The following UCHL5 variants were observed in gnomAD, a reference collection of about 807,000 sequenced individuals.
The protein encoded by UCHL5 is ubiquitin C-terminal hydrolase L5.
Under a neutral mutation model 53.8 loss-of-function variants are expected in UCHL5, and 34 were observed. The ratio of observed to expected loss-of-function variants is 0.63; its 90% CI spans 0.48 to 0.84. The LOEUF is 0.84. Among genes scored for constraint, UCHL5 ranks in the 40% least tolerant of loss-of-function variants. The pLI, the probability that UCHL5 is intolerant of heterozygous loss-of-function variation, is 0.00. For synonymous variants in UCHL5, 111 were observed against 126.3 expected (o/e 0.88, Z 0.81); for missense variants, 290 against 385.6 (o/e 0.75, Z 2.08).
chr1:193,029,783 A>C (rs1660691467), intron 3 of UCHL5, 126 bp from the exon 4 acceptor site: 1 of 762,278 alleles, frequency 1.3e-6, no homozygotes, highest in African/African-American at 1.8e-5. Context: ...CAGCATAAAC[A>C]GAATAAATAT....
At chr1:193,050,312 T>C (rs1011205345) in intron 2 of UCHL5, among the ~76,000 whole-genome samples, 8 of 152,180 alleles carry the variant, frequency 5.3e-5, no homozygotes, top group Non-Finnish European at 1.0e-4. Flanking sequence ...GATGCTACCA[T>C]CTCATACATA....
upstream of UCHL5, chr1:193,059,763 G>A (rs773262274): frequency 1.8e-5 from 25 of 1,355,640 alleles, no homozygotes; most frequent in African/African-American, 2.5e-4. This position sits in a 1 kb window ranked among gnomAD's most constrained non-coding sequence, Gnocchi z 4.9. Context: ...CAGGGGGTCG[G>A]CTGCCAGGTA....
intron 10 of UCHL5, chr1:193,018,706 A>C: frequency 4.4e-6 from 6 of 1,368,670 alleles, no homozygotes; most frequent in Non-Finnish European, 5.7e-6. Context: ...TCAGCTATTC[A>C]AAAATCTCAT....
intron 3 of UCHL5, among the ~76,000 whole-genome samples, chr1:193,046,033 ATTTT>A (rs532959351): frequency 6.7e-6 from 1 of 150,138 alleles, no homozygotes; most frequent in Non-Finnish European, 1.5e-5. Context: ...GACTATTTGG[ATTTT>A]TTGTTTTGTT....
At chr1:193,049,246 C>A (rs1232156192) in intron 3 of UCHL5, among the ~76,000 whole-genome samples, 1 of 152,122 alleles carries the variant, frequency 6.6e-6, no homozygotes, top group Non-Finnish European at 1.5e-5. Context: ...GAAACCCCAT[C>A]TCTACTAAAA....
At chr1:193,038,361 C>T (rs1664335490) in intron 3 of UCHL5, among the ~76,000 whole-genome samples, 1 of 150,698 alleles carries the variant, frequency 6.6e-6, no homozygotes, top group African/African-American at 2.4e-5. Context: ...GAGGCTGAGG[C>T]AGGAGAATGG....
chr1:193,022,393 T>C (rs1372064937), intron 9 of UCHL5, among the ~76,000 whole-genome samples: 1 of 152,090 alleles, frequency 6.6e-6, no homozygotes, highest in East Asian at 1.9e-4. Context: ...ACAAATGACA[T>C]ATACATTCCA....
intron 3 of UCHL5, among the ~76,000 whole-genome samples, chr1:193,042,514 C>A (rs1236205403): frequency 6.6e-6 from 1 of 152,162 alleles, no homozygotes; most frequent in African/African-American, 2.4e-5. Flanking sequence ...ATAATGTCAT[C>A]CTCCTCCGTC....
intron 10 of UCHL5, chr1:193,019,855 G>T (rs1275733726): frequency 1.0e-6 from 1 of 954,178 alleles, no homozygotes; most frequent in Non-Finnish European, 1.2e-6. Context: ...TTTATCTAAG[G>T]GTCCTAGTCC....
chr1:193,018,812 C>T (rs1655806810), intron 10 of UCHL5: 4 of 1,562,972 alleles, frequency 2.6e-6, no homozygotes, highest in Admixed American at 3.8e-5. Context: ...TTCTTTTATC[C>T]TATTTTCCCT....
At chr1:193,030,810 T>C (rs1013890209) in intron 3 of UCHL5, among the ~76,000 whole-genome samples, 1 of 152,128 alleles carries the variant, frequency 6.6e-6, no homozygotes, top group African/African-American at 2.4e-5. Flanking sequence ...ATTTCTCATG[T>C]TGGTAGAGGT....
upstream of UCHL5, chr1:193,059,722 C>A (rs1204690559): frequency 7.4e-7 from 1 of 1,353,296 alleles, no homozygotes; most frequent in Non-Finnish European, 9.8e-7. The surrounding 1 kb of genome is among the most constrained non-coding windows in gnomAD (Gnocchi z 4.9). Context: ...CCCAGCGCTG[C>A]GCAGGACTTC....
chr1:193,044,291 T>C (rs560548759), intron 3 of UCHL5, among the ~76,000 whole-genome samples: 1 of 152,326 alleles, frequency 6.6e-6, no homozygotes, highest in East Asian at 1.9e-4. Flanking sequence ...CCACAGTATC[T>C]GGCACATTGT....
intron 9 of UCHL5, among the ~76,000 whole-genome samples, chr1:193,021,697 G>T (rs1166660391): frequency 1.3e-5 from 2 of 152,136 alleles, no homozygotes; most frequent in African/African-American, 4.8e-5. Flanking sequence ...GGCTTTTACT[G>T]CCACTGACCT....
chr1:193,029,387 C>G lies in UCHL5; in HGVS notation c.434+1G>C, dbSNP rs1660533239. The G allele has an allele frequency of 6.2e-6, 10 of 1,613,678 alleles. No homozygotes were observed. The highest frequency in any genetic ancestry group is 8.5e-6 in the Non-Finnish European group (10 of 1,179,840). On this transcript the variant is annotated splice_donor_variant, in intron 5 of 10. Coordinates refer to ENST00000367454, the MANE Select transcript of UCHL5 (RefSeq NM_001199261.3). LOFTEE classifies it high-confidence loss of function. ...ATTTATTTAACATAAAGTCTCTTTA[C>G]CTGGCGAAACTGTTGTGTACTTGTC...
At position 193,016,185 on chromosome 1, in the gene UCHL5, A is replaced by G; in HGVS notation, c.*166T>C. Reference sequence around the variant, plus strand: ...AATATGCACTACATGCACATGATGCAGGTAGGGAAGAAGTTTATGAATCCA... The same window carrying G: ...AATATGCACTACATGCACATGATGCGGGTAGGGAAGAAGTTTATGAATCCA... On this transcript the variant is annotated 3_prime_UTR_variant, in exon 11 of 11. Coordinates refer to ENST00000367454, the MANE Select transcript of UCHL5 (RefSeq NM_001199261.3). 1.4e-6 allele frequency: 1 copy of G among 692,194 alleles called. No individual in the cohort carries two copies. The highest frequency in any genetic ancestry group is 1.8e-5 in the South Asian group (1 of 54,954). 42.9% of individuals were successfully genotyped at this position (692,194 alleles called of 1,614,324 possible).
At chr1:193,044,956 A>G (rs1213177979) in intron 3 of UCHL5, among the ~76,000 whole-genome samples, 1 of 152,186 alleles carries the variant, frequency 6.6e-6, no homozygotes, top group Non-Finnish European at 1.5e-5. Context: ...CATAAACACA[A>G]CTGGAATAAT....
At chr1:193,049,060 A>AT (rs1668214741) in intron 3 of UCHL5, among the ~76,000 whole-genome samples, 1 of 151,848 alleles carries the variant, frequency 6.6e-6, no homozygotes, top group African/African-American at 2.4e-5. Flanking sequence ...CAGCTAATTT[A>AT]TTTTTTTGTT....
chr1:193,052,086 C>T (rs116277379), intron 1 of UCHL5, among the ~76,000 whole-genome samples: 1,703 of 152,210 alleles, frequency 0.011, 17 homozygotes, highest in South Asian at 0.023. Flanking sequence ...TCTCTGGCAC[C>T]TCTATCCACT....
Sources: allele counts gnomAD v4.1 joint callset (sites outside exome capture counted in the v4.1 genomes callset), GRCh38; gene constraint gnomAD v4.1.1; non-coding constraint Gnocchi (gnomAD v3.1); transcripts MANE v1.5; gene names NCBI Gene and HGNC (gene_info 2026-07-23, HGNC 2026-07-21).